The following OXCT1 variants were observed in gnomAD, a reference collection of about 807,000 sequenced individuals.
OXCT1 encodes the protein succinyl-CoA:3-ketoacid coenzyme A transferase 1, mitochondrial.
In OXCT1, 27 loss-of-function variants were observed where a neutral mutation model predicts 69.6. The observed-to-expected ratio is 0.39, with a 90% CI of 0.29 to 0.54. The LOEUF is 0.54. Among genes scored for constraint, OXCT1 ranks in the 20% least tolerant of loss-of-function variants. OXCT1 has a pLI of 0.72. For missense variants in OXCT1, 437 were observed against 650.2 expected (o/e 0.67, Z 3.57); for synonymous variants, 202 against 217.8 (o/e 0.93, Z 0.64).
At chr5:41,746,114 C>G (rs1743473946) in intron 15 of OXCT1, among the ~76,000 whole-genome samples, 1 of 152,112 alleles carries the variant, frequency 6.6e-6, no homozygotes, top group Non-Finnish European at 1.5e-5. Context: ...GAATTTTAGA[C>G]CAACATCCCT....
rs1579625187 is a variant in OXCT1, at chr5:41,736,804, T to C, written c.1521+2586A>G. Among the ~76,000 whole-genome samples the C allele has an allele frequency of 2.0e-5, 3 of 152,198 alleles. No homozygotes were observed. In the South Asian group the frequency reaches 6.2e-4, roughly 31 times the overall value. On this transcript the variant is annotated intron_variant, in intron 16 of 16. Coordinates refer to ENST00000196371, the MANE Select transcript of OXCT1 (RefSeq NM_000436.4). ...AATCATTCCCTTCTAGAATGTTGAC[T>C]GCCAGTTGAAGGCTGAGTTCTAGGG...
At chr5:41,857,990 T>G (rs1301345006) in intron 3 of OXCT1, among the ~76,000 whole-genome samples, 1 of 152,246 alleles carries the variant, frequency 6.6e-6, no homozygotes, top group African/African-American at 2.4e-5. Flanking sequence ...TTCTAACTAC[T>G]GTCTTCTGGA....
intron 14 of OXCT1, among the ~76,000 whole-genome samples, chr5:41,750,838 A>G (rs1480665997): frequency 6.6e-6 from 1 of 152,148 alleles, no homozygotes; most frequent in Non-Finnish European, 1.5e-5. Flanking sequence ...AATAAAAGAC[A>G]TTCAGTAGTT....
At chr5:41,811,967 G>A (rs1273419938) in intron 7 of OXCT1, among the ~76,000 whole-genome samples, 3 of 152,028 alleles carry the variant, frequency 2.0e-5, no homozygotes, top group Non-Finnish European at 2.9e-5. Context: ...CAAAGATATA[G>A]ATGTTATATT....
At chr5:41,776,803 C>T (rs1173841711) in intron 13 of OXCT1, among the ~76,000 whole-genome samples, 1 of 151,936 alleles carries the variant, frequency 6.6e-6, no homozygotes, top group Non-Finnish European at 1.5e-5. Flanking sequence ...CTTTACTATC[C>T]AATTCATTAT....
At chr5:41,859,907 T>TATATATATATATATACAC (rs1304074270) in intron 3 of OXCT1, among the ~76,000 whole-genome samples, 11 of 138,464 alleles carry the variant, frequency 7.9e-5, no homozygotes, top group African/African-American at 2.1e-4. Context: ...TATATATATA[T>TATATATATATATATACAC]ACACACACAC....
intron 13 of OXCT1, among the ~76,000 whole-genome samples, chr5:41,787,088 A>T (rs1745672415): frequency 6.6e-6 from 1 of 152,220 alleles, no homozygotes; most frequent in African/African-American, 2.4e-5. Context: ...CAGTGTTGGT[A>T]ATAGAGTAGA....
chr5:41,781,189 C>T (rs1022428586), intron 13 of OXCT1, among the ~76,000 whole-genome samples: 2 of 152,106 alleles, frequency 1.3e-5, no homozygotes, highest in Admixed American at 1.3e-4. Flanking sequence ...AGGTGTGAGC[C>T]ACCAAGGCCG....
intron 7 of OXCT1, among the ~76,000 whole-genome samples, chr5:41,836,951 T>C (rs1370664308): frequency 6.6e-6 from 1 of 152,234 alleles, no homozygotes; most frequent in Non-Finnish European, 1.5e-5. Context: ...AATTTGATTT[T>C]CTTTTAAATT....
intron 9 of OXCT1, among the ~76,000 whole-genome samples, chr5:41,804,574 C>G (rs1174319020): frequency 6.6e-6 from 1 of 152,026 alleles, no homozygotes; most frequent in Non-Finnish European, 1.5e-5. Flanking sequence ...CAACTTTTAC[C>G]TACTAACTCA....
chr5:41,817,851 C>T (rs1747324813), intron 7 of OXCT1, among the ~76,000 whole-genome samples: 1 of 152,136 alleles, frequency 6.6e-6, no homozygotes, highest in African/African-American at 2.4e-5. Context: ...AAACTAGGCA[C>T]AGTAATAAGG....
intron 14 of OXCT1, among the ~76,000 whole-genome samples, chr5:41,761,569 A>C (rs4957419): frequency 0.014 from 2,161 of 152,250 alleles, 99 homozygotes; most frequent in South Asian, 0.079. Flanking sequence ...ACAGGCACTC[A>C]AATATTTAAT....
At chr5:41,735,212 G>A (rs1742825692) in intron 16 of OXCT1, among the ~76,000 whole-genome samples, 1 of 152,204 alleles carries the variant, frequency 6.6e-6, no homozygotes, top group Non-Finnish European at 1.5e-5. Context: ...ACCAACAGAT[G>A]AGTGGGTCAT....
intron 13 of OXCT1, among the ~76,000 whole-genome samples, chr5:41,787,377 T>C (rs778249686): frequency 6.6e-5 from 10 of 152,042 alleles, no homozygotes; most frequent in Non-Finnish European, 1.5e-4. Context: ...GGTCTACAAT[T>C]TCCCCCAGCT....
intron 3 of OXCT1, among the ~76,000 whole-genome samples, chr5:41,855,112 A>G (rs1323874868): frequency 6.6e-6 from 1 of 152,260 alleles, no homozygotes. Context: ...TATAACCATC[A>G]GTAACAATGG....
chr5:41,783,194 T>C (rs1166558543), intron 13 of OXCT1, among the ~76,000 whole-genome samples: 1 of 152,208 alleles, frequency 6.6e-6, no homozygotes, highest in Non-Finnish European at 1.5e-5. Context: ...CTAAGCTGGA[T>C]GTATGCATTT....
Position 41,861,410 on chromosome 5 carries a change from T to A in OXCT1, c.188-6A>T. On this transcript the variant is annotated splice_region_variant and splice_polypyrimidine_tract_variant and intron_variant, in intron 2 of 16. Transcript: ENST00000196371. Reference sequence around the variant, plus strand: ...AATTCCACATAGCCCAAAACCTATATTAAGCCCAAAAAATAAACAATTTGT... The same window carrying A: ...AATTCCACATAGCCCAAAACCTATAATAAGCCCAAAAAATAAACAATTTGT... The A allele has an allele frequency of 6.4e-7, 1 of 1,561,682 alleles. No individual in the cohort carries two copies. The highest frequency in any genetic ancestry group is 8.8e-7 in the Non-Finnish European group (1 of 1,132,602).
chr5:41,743,722 T>C (rs1743315871), intron 15 of OXCT1, among the ~76,000 whole-genome samples: 1 of 152,308 alleles, frequency 6.6e-6, no homozygotes, highest in African/African-American at 2.4e-5. Flanking sequence ...CCCAGCACCA[T>C]TTATTAAATA....
In OXCT1 at chr5:41,861,320, T is replaced by C; in HGVS notation, c.272A>G (p.Asn91Ser). 2 of 1,592,102 alleles carry C rather than the reference T, an allele frequency of 1.3e-6. No homozygotes were observed. The highest frequency in any genetic ancestry group is 1.7e-6 in the Non-Finnish European group (2 of 1,160,176). ...GVKGLTAVSN[N>S]AGVDNFGLGL... ...TTTTAAAATGCACACTTACCCTGCA[T>C]TGTTGCTGACTGCAGTTAGTCCTTT... The change falls in exon 3 of 17, where the codon AAT becomes AGT. Residue 91 changes from asparagine to serine, a missense_variant. Physicochemically the swap from Asn to Ser is conservative, Grantham distance 46. Coordinates refer to ENST00000196371, the MANE Select transcript of OXCT1 (RefSeq NM_000436.4).
Sources: gnomAD v4.1 joint callset for allele counts (sites outside exome capture counted in the v4.1 genomes callset) on GRCh38, gnomAD v4.1.1 for gene constraint, MANE v1.5 for transcripts, NCBI Gene and HGNC (gene_info 2026-07-23, HGNC 2026-07-21) for gene names.